The following APP variants were observed in gnomAD, a reference collection of about 807,000 sequenced individuals.
APP encodes amyloid-beta precursor protein.
In APP, 31 loss-of-function variants were observed where a neutral mutation model predicts 101.4. That is an observed-to-expected ratio of 0.31 (90% CI 0.23 to 0.41). APP has a LOEUF of 0.41. APP is among the 10% of genes least tolerant of loss of function. APP has a pLI of 1.00. For synonymous variants in APP, 366 were observed against 364.4 expected, an observed-to-expected ratio of 1.00 and a Z score of -0.05; for missense variants, 839 against 1,003.7, an observed-to-expected ratio of 0.84 and a Z score of 2.22.
intron 11 of APP, among the ~76,000 whole-genome samples, chr21:25,958,479 A>T (rs561014622): frequency 1.3e-5 from 2 of 152,196 alleles, no homozygotes; most frequent in African/African-American, 4.8e-5. Context: ...GGGTTTCGCC[A>T]TGTTAGCCAG....
At chr21:26,058,890 G>A (rs2046149620) in intron 3 of APP, among the ~76,000 whole-genome samples, 1 of 152,068 alleles carries the variant, frequency 6.6e-6, no homozygotes, top group Non-Finnish European at 1.5e-5. Flanking sequence ...GACCATCCTG[G>A]CTAACACGGT....
chr21:26,130,732 C>T (rs148649120), intron 1 of APP, among the ~76,000 whole-genome samples: 1 of 152,304 alleles, frequency 6.6e-6, no homozygotes, highest in African/African-American at 2.4e-5. Context: ...GTCTGGACAG[C>T]ACCAATATGT....
chr21:25,987,978 AGAAAAAGAG>A (rs1231799762), intron 8 of APP, among the ~76,000 whole-genome samples: 1 of 152,218 alleles, frequency 6.6e-6, no homozygotes, highest in Non-Finnish European at 1.5e-5. Context: ...TGTATTATGG[AGAAAAAGAG>A]GAAAAAGAAA....
chr21:25,938,427 T>A (rs575355696), intron 13 of APP, among the ~76,000 whole-genome samples: 1 of 152,248 alleles, frequency 6.6e-6, no homozygotes, highest in African/African-American at 2.4e-5. Flanking sequence ...CTGCTTCATT[T>A]TTTTTTTCAA....
chr21:26,060,216 C>A (rs2085242864), intron 3 of APP, among the ~76,000 whole-genome samples: 1 of 152,180 alleles, frequency 6.6e-6, no homozygotes, highest in Admixed American at 6.5e-5. Context: ...ATGTTCATTG[C>A]ACCATCACCA....
At chr21:26,040,304 A>G (rs907099352) in intron 5 of APP, among the ~76,000 whole-genome samples, 3 of 152,136 alleles carry the variant, frequency 2.0e-5, no homozygotes, top group Non-Finnish European at 4.4e-5. Context: ...TTTCTTTAAA[A>G]ATATTGTACA....
intron 15 of APP, among the ~76,000 whole-genome samples, chr21:25,899,796 G>A (rs750837873): frequency 2.0e-5 from 3 of 152,176 alleles, no homozygotes; most frequent in East Asian, 1.9e-4. Flanking sequence ...TATTTGCTAC[G>A]TAGCAATAGG....
chr21:25,914,528 G>A (rs1359743323), intron 13 of APP, among the ~76,000 whole-genome samples: 1 of 146,826 alleles, frequency 6.8e-6, no homozygotes, highest in Non-Finnish European at 1.5e-5. Flanking sequence ...GCTGCCTCTG[G>A]AGGATGCAGC....
At chr21:25,983,119 A>G (rs2042502643) in intron 8 of APP, among the ~76,000 whole-genome samples, 1 of 152,252 alleles carries the variant, frequency 6.6e-6, no homozygotes, top group Non-Finnish European at 1.5e-5. Context: ...TGTCAAAAAG[A>G]AAGTGATTTC....
intron 13 of APP, among the ~76,000 whole-genome samples, chr21:25,912,917 G>A (rs1324572198): frequency 6.6e-6 from 1 of 152,090 alleles, no homozygotes; most frequent in African/African-American, 2.4e-5. Flanking sequence ...GATTCACCAT[G>A]TTTTTCTCTG....
chr21:26,159,021 C>G (rs1026889092), intron 1 of APP, among the ~76,000 whole-genome samples: 1 of 152,144 alleles, frequency 6.6e-6, no homozygotes, highest in African/African-American at 2.4e-5. Context: ...AGAATCCATG[C>G]AGTATGTCCA....
At chr21:26,056,327 C>G (rs907690479) in intron 3 of APP, among the ~76,000 whole-genome samples, 2 of 152,200 alleles carry the variant, frequency 1.3e-5, no homozygotes, top group Non-Finnish European at 2.9e-5. Context: ...CATGAGCCAC[C>G]ACGACCAGCC....
intron 11 of APP, among the ~76,000 whole-genome samples, chr21:25,968,454 T>C (rs2041881938): frequency 6.7e-6 from 1 of 149,048 alleles, no homozygotes; most frequent in South Asian, 2.2e-4. Flanking sequence ...AGCCACCACA[T>C]CTAGCCTAAA....
At chr21:26,166,598 T>G (rs545455908) in intron 1 of APP, among the ~76,000 whole-genome samples, 12 of 151,258 alleles carry the variant, frequency 7.9e-5, no homozygotes, top group African/African-American at 2.7e-4. Context: ...GATCTTTAAA[T>G]TAAAAAAAGA....
chr21:25,892,065 A>G (rs1371475513), intron 16 of APP, among the ~76,000 whole-genome samples, 197 bp from the exon 17 acceptor site: 2 of 141,660 alleles, frequency 1.4e-5, no homozygotes, highest in East Asian at 4.1e-4. Flanking sequence ...AAAAAAAAAA[A>G]GAAATCACAT....
At chr21:25,976,074 T>G (rs1374890123) in intron 9 of APP, 46 bp from the exon 10 acceptor site, 1 of 1,457,086 alleles carries the variant, frequency 6.9e-7, no homozygotes, top group African/African-American at 1.4e-5. Context: ...CAGTTCATCC[T>G]TTGAATACAG....
intron 13 of APP, among the ~76,000 whole-genome samples, chr21:25,935,839 C>CAA (rs67114400): frequency 0.11 from 8,413 of 74,520 alleles, 789 homozygotes; most frequent in African/African-American, 0.23. Flanking sequence ...GACTCTGTCT[C>CAA]AAAAAAAAAA....
intron 1 of APP, among the ~76,000 whole-genome samples, chr21:26,131,890 G>A (rs547180771): frequency 6.6e-6 from 1 of 150,832 alleles, no homozygotes; most frequent in Non-Finnish European, 1.5e-5. Context: ...CTGGAATCGT[G>A]ATAGTTGAAT....
chr21:25,934,402 A>T (rs888169644), intron 13 of APP: 1 of 152,146 alleles, frequency 6.6e-6, no homozygotes, highest in Non-Finnish European at 1.5e-5. Context: ...ATAAGACAAG[A>T]ATTTCTGGTT....
Sources: allele counts gnomAD v4.1 joint callset (sites outside exome capture counted in the v4.1 genomes callset), GRCh38; gene constraint gnomAD v4.1.1; transcripts MANE v1.5; gene names NCBI Gene and HGNC (gene_info 2026-07-23, HGNC 2026-07-21).